SLC15A5: variants seen among roughly 807,000 people sequenced by gnomAD.
The protein encoded by SLC15A5 is solute carrier family 15 member 5.
Under a neutral mutation model 56.1 loss-of-function variants are expected in SLC15A5, and 58 were observed. The observed-to-expected ratio is 1.03, with a 90% CI of 0.84 to 1.29. The LOEUF is 1.29. Ranked by LOEUF, SLC15A5 falls within the 50% of genes most tolerant of loss-of-function variation. The pLI is 0.00. For missense variants in SLC15A5, 681 were observed against 672.1 expected, an observed-to-expected ratio of 1.01 and a Z score of -0.15; for synonymous variants, 264 against 250.5, an observed-to-expected ratio of 1.05 and a Z score of -0.51.
rs1176303583 is a variant in SLC15A5, at chr12:16,269,084, C to A, written c.584+3477G>T. ...GCCAGGAAGAGAACCCTCACCAGAA[C>A]CCTGATCTCAGAATTCTGGCCTCCA... is the stretch of plus-strand genomic sequence containing the variant. On this transcript the variant is annotated intron_variant, in intron 2 of 8. Transcript: ENST00000344941. The surrounding 1 kb of genome is among the most constrained non-coding windows in gnomAD (Gnocchi z 4.7). Among the ~76,000 whole-genome samples, 1 of 151,956 alleles carries A rather than the reference C, an allele frequency of 6.6e-6. No homozygotes were observed. The highest frequency in any genetic ancestry group is 6.6e-5 in the Admixed American group (1 of 15,220).
rs1241898100 is a variant in SLC15A5, at chr12:16,218,317, T to G, written c.1352-1293A>C. Among the ~76,000 whole-genome samples, 9 of 152,318 alleles carry G rather than the reference T, an allele frequency of 5.9e-5. No homozygotes were observed. The East Asian group carries it at 1.7e-3, about 29-fold the overall frequency. ...ATTTCTAATATTCCTCTTACTCTTT[T>G]GTGCTTTGCGAATCTTTCCACAATG... is the stretch of plus-strand genomic sequence containing the variant. On this transcript the variant is annotated intron_variant, in intron 6 of 8. Coordinates refer to ENST00000344941, the MANE Select transcript of SLC15A5 (RefSeq NM_001170798.1).
intron 8 of SLC15A5, among the ~76,000 whole-genome samples, chr12:16,194,016 G>A (rs1863869936): frequency 6.6e-6 from 1 of 151,944 alleles, no homozygotes; most frequent in African/African-American, 2.4e-5. Context: ...CTAGCTATTT[G>A]TTTAATGGTA....
rs1358400487 is a variant in SLC15A5 at position 16,257,754 on chromosome 12, G to T, written c.701C>A (p.Ala234Asp). 1 of 1,528,970 alleles carries T rather than the reference G, an allele frequency of 6.5e-7. No homozygotes were observed. 94.7% of individuals were successfully genotyped at this position (1,528,970 alleles called of 1,614,324 possible). A position where few individuals can be genotyped will look rare whatever the true frequency, so the allele number is the denominator to read the frequency against. The change falls in exon 3 of 9, where the codon GCT becomes GAT. Residue 234 changes from alanine to aspartate, a missense_variant. Transcript: ENST00000344941. The stretch of plus-strand genomic sequence containing the variant: ...GTATATCATATGAAGAGTTATCACA[G>T]CCATAAGCATAGACATAAAAGGAAT... ...LLIPFMSMLM[A>D]VITLHMIYYN...
chr12:16,193,808 A>C lies in SLC15A5; in HGVS notation c.1592+537T>G, dbSNP rs996943691. Reference sequence around the variant, plus strand: ...GAGAGAGAGAGAGAGAGAGAGAGAGAGAGAGAGAGAGAGAGAGAGAGAGAG... The same window carrying C: ...GAGAGAGAGAGAGAGAGAGAGAGAGCGAGAGAGAGAGAGAGAGAGAGAGAG... On this transcript the variant is annotated intron_variant, in intron 8 of 8. Coordinates refer to ENST00000344941, the MANE Select transcript of SLC15A5 (RefSeq NM_001170798.1). Among the ~76,000 whole-genome samples the C allele has an allele frequency of 1.7e-3, 202 of 118,858 alleles. 7 individuals are homozygous for C. The highest frequency in any genetic ancestry group is 6.9e-3 in the South Asian group (27 of 3,890). 78.0% of individuals were successfully genotyped at this position (118,858 alleles called of 152,430 possible).
rs1049159681 is a variant in SLC15A5, at chr12:16,196,896, A to G, written c.1484-2443T>C. 6.6e-6 allele frequency among the ~76,000 whole-genome samples: 1 copy of G among 152,038 alleles called. No individual in the cohort carries two copies. The highest frequency in any genetic ancestry group is 1.5e-5 in the Non-Finnish European group (1 of 67,998). On this transcript the variant is annotated intron_variant, in intron 7 of 8. Transcript: ENST00000344941. This position sits in a 1 kb window ranked among gnomAD's most constrained non-coding sequence, Gnocchi z 4.0. Reference sequence around the variant, plus strand: ...CCAGCCTTTTGGGAGATACTACTAGATCCCCCTGGGCACACCAGAGCACTC... The same window carrying G: ...CCAGCCTTTTGGGAGATACTACTAGGTCCCCCTGGGCACACCAGAGCACTC...
intron 6 of SLC15A5, among the ~76,000 whole-genome samples, chr12:16,218,798 G>C (rs74065805): frequency 6.6e-6 from 1 of 152,220 alleles, no homozygotes; most frequent in African/African-American, 2.4e-5. Context: ...AGAAGTAAGA[G>C]ATCTTATTAT....
intron 4 of SLC15A5, among the ~76,000 whole-genome samples, chr12:16,242,308 T>C (rs1476861664): frequency 6.6e-6 from 1 of 150,708 alleles, no homozygotes; most frequent in Non-Finnish European, 1.5e-5. Flanking sequence ...AGCATTTTCT[T>C]TGAAGTTTCT....
chr12:16,212,209 G>A (rs932177366), intron 7 of SLC15A5, among the ~76,000 whole-genome samples: 89 of 152,168 alleles, frequency 5.8e-4, no homozygotes, highest in Admixed American at 3.3e-3. Context: ...CCATTATAAC[G>A]TATGACAATG....
chr12:16,204,399 G>T (rs2136241096), intron 7 of SLC15A5, among the ~76,000 whole-genome samples: 1 of 149,482 alleles, frequency 6.7e-6, no homozygotes, highest in South Asian at 2.1e-4. Flanking sequence ...AGAGGTTGCA[G>T]CACTCCAACC....
At position 16,261,664 on chromosome 12, in the gene SLC15A5, T is replaced by G. The variant is rs756559741; in HGVS notation, c.585-3794A>C. Among the ~76,000 whole-genome samples, 75 of 152,198 alleles carry G rather than the reference T, an allele frequency of 4.9e-4. 1 individual carries two copies. The highest frequency in any genetic ancestry group is 8.2e-4 in the Non-Finnish European group (56 of 68,028). ...AAGAAAATATCAAATAGTTTTTAAG[T>G]AGTTGTAACATTTTTACATTATCAC... On this transcript the variant is annotated intron_variant, in intron 2 of 8. Coordinates refer to ENST00000344941, the MANE Select transcript of SLC15A5 (RefSeq NM_001170798.1).
At position 16,257,845 on chromosome 12, in the gene SLC15A5, C is replaced by G. The variant is rs1864592699; in HGVS notation, c.610G>C (p.Ala204Pro). Reference sequence around the variant, plus strand: ...GATATTCCCAGAAACACAATAGTTGCATTTAGGTTCATGAGCCAATAAAAC... The same window carrying G: ...GATATTCCCAGAAACACAATAGTTGGATTTAGGTTCATGAGCCAATAAAAC... The part of the protein sequence containing the change: ...NWFYWLMNLN[A>P]TIVFLGISYI... Residue 204 changes from alanine to proline, a missense_variant, in exon 3 of 9, where the codon GCA becomes CCA. By Grantham distance (27) the Ala-to-Pro change is conservative. Coordinates refer to ENST00000344941, the MANE Select transcript of SLC15A5 (RefSeq NM_001170798.1). The G allele has an allele frequency of 2.7e-6, 4 of 1,501,144 alleles. No homozygotes were observed. The highest frequency in any genetic ancestry group is 2.6e-6 in the Non-Finnish European group (3 of 1,134,710). The allele number at this position is 1,501,144 out of a possible 1,614,324, so 93.0% of individuals were successfully genotyped here. A position where few individuals can be genotyped will look rare whatever the true frequency, so the allele number is the denominator to read the frequency against.
chr12:16,229,445 T>G (rs1237504842), intron 5 of SLC15A5, among the ~76,000 whole-genome samples: 1 of 152,200 alleles, frequency 6.6e-6, no homozygotes, highest in Non-Finnish European at 1.5e-5. Flanking sequence ...CACTTTATAA[T>G]CTAAATTAGA....
At chr12:16,229,928 T>C (rs1864279697) in intron 5 of SLC15A5, among the ~76,000 whole-genome samples, 1 of 152,144 alleles carries the variant, frequency 6.6e-6, no homozygotes, top group Non-Finnish European at 1.5e-5. Flanking sequence ...CTTTACAAAT[T>C]GCTTAAGAAG....
chr12:16,205,005 A>G (rs1287387172), intron 7 of SLC15A5, among the ~76,000 whole-genome samples: 1 of 152,166 alleles, frequency 6.6e-6, no homozygotes, highest in Non-Finnish European at 1.5e-5. Context: ...ATGTTGAGTT[A>G]AAACTGGAAA....
intron 5 of SLC15A5, among the ~76,000 whole-genome samples, chr12:16,226,248 A>G (rs1290228712): frequency 1.3e-5 from 2 of 152,176 alleles, no homozygotes; most frequent in African/African-American, 2.4e-5. Context: ...TTGTTATACT[A>G]TATTGTTTAG....
intron 7 of SLC15A5, among the ~76,000 whole-genome samples, chr12:16,207,498 T>C (rs1864032523): frequency 6.6e-6 from 1 of 152,152 alleles, no homozygotes; most frequent in African/African-American, 2.4e-5. Flanking sequence ...TCTTGTGCTC[T>C]TTAGGCTATT....
chr12:16,213,913 A>C (rs1032379808), intron 7 of SLC15A5, among the ~76,000 whole-genome samples: 5 of 152,174 alleles, frequency 3.3e-5, no homozygotes, highest in Admixed American at 2.6e-4. Context: ...TATTATCAAT[A>C]TTATACAGAC....
intron 8 of SLC15A5, among the ~76,000 whole-genome samples, chr12:16,192,493 A>T (rs1174697680): frequency 6.6e-6 from 1 of 152,086 alleles, no homozygotes; most frequent in Non-Finnish European, 1.5e-5. Flanking sequence ...ACTTCTTTAC[A>T]GGAACTCACT....
intron 8 of SLC15A5, among the ~76,000 whole-genome samples, chr12:16,191,956 C>T (rs947526739): frequency 3.3e-5 from 5 of 151,994 alleles, no homozygotes; most frequent in African/African-American, 4.8e-5. Flanking sequence ...TCTCCCAAAC[C>T]AAGTTAGGAA....
Sources: gnomAD v4.1 joint callset for allele counts (sites outside exome capture counted in the v4.1 genomes callset) on GRCh38, gnomAD v4.1.1 for gene constraint, Gnocchi (gnomAD v3.1) non-coding constraint, MANE v1.5 for transcripts, NCBI Gene and HGNC (gene_info 2026-07-23, HGNC 2026-07-21) for gene names.